Variants in SCHIP1 observed in about 807,000 individuals in gnomAD.
The protein encoded by SCHIP1 is schwannomin interacting protein 1.
Under a neutral mutation model 29.7 loss-of-function variants are expected in SCHIP1, and 8 were observed. The ratio of observed to expected loss-of-function variants is 0.27; its 90% CI spans 0.16 to 0.49. SCHIP1 has a LOEUF of 0.49. Among genes scored for constraint, SCHIP1 ranks in the 20% least tolerant of loss-of-function variants. The pLI is 0.99. For missense variants in SCHIP1, 193 were observed against 294.6 expected, an observed-to-expected ratio of 0.66 and a Z score of 2.52; for synonymous variants, 76 against 94.9, an observed-to-expected ratio of 0.80 and a Z score of 1.16.
chr3:159,568,413 C>T, the SCHIP1 span, among the ~76,000 whole-genome samples: 1 of 151,968 alleles, frequency 6.6e-6, no homozygotes, highest in African/African-American at 2.4e-5. Flanking sequence ...ACTATAAAAG[C>T]TTTTTATCAA....
chr3:159,777,922 C>G, the SCHIP1 span, among the ~76,000 whole-genome samples: 2 of 152,084 alleles, frequency 1.3e-5, no homozygotes, highest in Non-Finnish European at 2.9e-5. Context: ...ACAAAGTTAA[C>G]ATAGATTCCA....
the SCHIP1 span, among the ~76,000 whole-genome samples, chr3:159,344,190 G>A: frequency 6.6e-6 from 1 of 151,942 alleles, no homozygotes; most frequent in Non-Finnish European, 1.5e-5. Flanking sequence ...GCATGATGGC[G>A]CATGCTTGTA....
chr3:159,401,456 C>G, the SCHIP1 span: 1 of 649,224 alleles, frequency 1.5e-6, no homozygotes, highest in Non-Finnish European at 1.9e-6. Context: ...TCGTTATATG[C>G]CTGGCACAGG....
chr3:159,355,561 G>A, the SCHIP1 span, among the ~76,000 whole-genome samples: 1 of 152,138 alleles, frequency 6.6e-6, no homozygotes. Context: ...AACTTGATAA[G>A]CATCTATTGT....
the SCHIP1 span, chr3:159,274,740 A>G: frequency 3.6e-5 from 30 of 824,218 alleles, no homozygotes; most frequent in East Asian, 3.7e-4. Flanking sequence ...ACATATTGTC[A>G]TTAAAAAGTA....
At chr3:159,694,906 CA>C in the SCHIP1 span, among the ~76,000 whole-genome samples, 1 of 152,126 alleles carries the variant, frequency 6.6e-6, no homozygotes, top group Admixed American at 6.5e-5. Context: ...TCTATCATAC[CA>C]GGTCCCAATG....
chr3:159,680,519 A>C, the SCHIP1 span, among the ~76,000 whole-genome samples: 2 of 120,874 alleles, frequency 1.7e-5, no homozygotes, highest in African/African-American at 6.4e-5. Context: ...AAAAAAAAAT[A>C]TATATATATG....
At chr3:159,586,466 G>T in the SCHIP1 span, among the ~76,000 whole-genome samples, 1 of 152,170 alleles carries the variant, frequency 6.6e-6, no homozygotes, top group Admixed American at 6.5e-5. Flanking sequence ...ACAGCTGCCT[G>T]ACCATCCTAG....
At chr3:159,390,703 C>T in the SCHIP1 span, among the ~76,000 whole-genome samples, 1 of 152,076 alleles carries the variant, frequency 6.6e-6, no homozygotes, top group Admixed American at 6.6e-5. Context: ...TAAATTTCAA[C>T]AAAACAGACT....
the SCHIP1 span, among the ~76,000 whole-genome samples, chr3:159,628,482 T>C: frequency 6.6e-6 from 1 of 152,070 alleles, no homozygotes; most frequent in African/African-American, 2.4e-5. Context: ...AGATATTGGA[T>C]TTTTCAGACA....
At chr3:159,780,034 C>T in the SCHIP1 span, among the ~76,000 whole-genome samples, 1,039 of 152,208 alleles carry the variant, frequency 6.8e-3, 15 homozygotes, top group African/African-American at 0.024. Flanking sequence ...TCCCAGCTTC[C>T]GTTTGGGGGA....
At chr3:159,516,444 G>C in the SCHIP1 span, among the ~76,000 whole-genome samples, 2 of 152,098 alleles carry the variant, frequency 1.3e-5, no homozygotes, top group African/African-American at 4.8e-5. Context: ...CAGCCTGTCA[G>C]ACTCGTGTTC....
the SCHIP1 span, among the ~76,000 whole-genome samples, chr3:159,496,904 T>A: frequency 7.9e-5 from 12 of 152,284 alleles, no homozygotes; most frequent in East Asian, 1.5e-3. Context: ...GCACATATAC[T>A]GCATGGAATA....
the SCHIP1 span, among the ~76,000 whole-genome samples, chr3:159,553,564 T>C: frequency 6.6e-6 from 1 of 152,220 alleles, no homozygotes. Flanking sequence ...TGTGTTTTAC[T>C]TAAACTCTTT....
At chr3:159,394,758 A>G in the SCHIP1 span, among the ~76,000 whole-genome samples, 1,253 of 152,308 alleles carry the variant, frequency 8.2e-3, 18 homozygotes, top group African/African-American at 0.029. Context: ...TTCATCAAGG[A>G]TAGTGATCTA....
At chr3:159,750,366 G>T in the SCHIP1 span, among the ~76,000 whole-genome samples, 1 of 150,390 alleles carries the variant, frequency 6.6e-6, no homozygotes. Context: ...TTGCTTTTCA[G>T]TTTTAATTTT....
the SCHIP1 span, among the ~76,000 whole-genome samples, chr3:159,616,869 G>T: frequency 4.0e-3 from 610 of 152,108 alleles, 4 homozygotes; most frequent in African/African-American, 0.014. Flanking sequence ...CCAATATGGT[G>T]GTCCCTAGCC....
intron 2 of SCHIP1, among the ~76,000 whole-genome samples, chr3:159,871,368 T>TG (rs143350836): frequency 0.18 from 2,605 of 14,370 alleles, 110 homozygotes; most frequent in African/African-American, 0.34. Flanking sequence ...TTGGGGGGGG[T>TG]GGGGGGGGGC....
chr3:159,755,739 T>A, the SCHIP1 span, among the ~76,000 whole-genome samples: 1 of 152,248 alleles, frequency 6.6e-6, no homozygotes, highest in African/African-American at 2.4e-5. Flanking sequence ...AGCAAGTTAG[T>A]TATTTCCTAA....
Sources: allele counts gnomAD v4.1 joint callset (sites outside exome capture counted in the v4.1 genomes callset), GRCh38; gene constraint gnomAD v4.1.1; transcripts MANE v1.5; gene names NCBI Gene and HGNC (gene_info 2026-07-23, HGNC 2026-07-21).